PPP3CA: variants seen among roughly 807,000 people sequenced by gnomAD.
The protein encoded by PPP3CA is CAM-PRP catalytic subunit.
A neutral mutation model predicts 66.5 loss-of-function variants in PPP3CA; 14 were observed. The observed-to-expected ratio is 0.21, with a 90% CI of 0.14 to 0.33. PPP3CA has a LOEUF of 0.33. Ranked by LOEUF, PPP3CA falls within the 10% of genes least tolerant of loss-of-function variation. The pLI is 1.00. For missense variants in PPP3CA, 317 were observed against 639.5 expected (o/e 0.50, Z 5.44); for synonymous variants, 232 against 226.2 (o/e 1.03, Z -0.23).
At chr4:101,251,677 T>A (rs755347084) in intron 1 of PPP3CA, among the ~76,000 whole-genome samples, 1 of 152,116 alleles carries the variant, frequency 6.6e-6, no homozygotes, top group Non-Finnish European at 1.5e-5. Context: ...ACTAAAGGTG[T>A]ATACTAACCA....
At chr4:101,151,048 A>T (rs1723120250) in intron 2 of PPP3CA, among the ~76,000 whole-genome samples, 1 of 152,254 alleles carries the variant, frequency 6.6e-6, no homozygotes, top group Admixed American at 6.5e-5. Flanking sequence ...TAAGTTCATA[A>T]GAAGACTTTA....
At chr4:101,333,703 A>C (rs1729526587) in intron 1 of PPP3CA, among the ~76,000 whole-genome samples, 1 of 152,174 alleles carries the variant, frequency 6.6e-6, no homozygotes, top group South Asian at 2.1e-4. Flanking sequence ...AATAAGCTCA[A>C]AGTCATAACA....
At chr4:101,058,803 C>T (rs1344430315) in intron 10 of PPP3CA, among the ~76,000 whole-genome samples, 1 of 152,002 alleles carries the variant, frequency 6.6e-6, no homozygotes, top group African/African-American at 2.4e-5. Flanking sequence ...ATAACATGTA[C>T]CAGTGAAATG....
At chr4:101,303,339 T>C (rs527842777) in intron 1 of PPP3CA, among the ~76,000 whole-genome samples, 2 of 152,300 alleles carry the variant, frequency 1.3e-5, no homozygotes, top group South Asian at 2.1e-4. Flanking sequence ...TAGGGAAATA[T>C]CCTTATTTTT....
At chr4:101,255,694 T>G (rs1726818883) in intron 1 of PPP3CA, among the ~76,000 whole-genome samples, 2 of 151,942 alleles carry the variant, frequency 1.3e-5, no homozygotes, top group South Asian at 4.1e-4. Flanking sequence ...AAAGTGAAAT[T>G]TTAAAAAATT....
intron 2 of PPP3CA, among the ~76,000 whole-genome samples, chr4:101,146,911 A>C (rs544966878): frequency 6.6e-6 from 1 of 152,118 alleles, no homozygotes; most frequent in Non-Finnish European, 1.5e-5. Flanking sequence ...ATTTCCTTTG[A>C]GCATCATGTC....
At chr4:101,197,595 T>C (rs1016694610) in intron 1 of PPP3CA, among the ~76,000 whole-genome samples, 1 of 152,206 alleles carries the variant, frequency 6.6e-6, no homozygotes, top group Non-Finnish European at 1.5e-5. Flanking sequence ...TATCTGAGGA[T>C]TGTTATACTA....
intron 2 of PPP3CA, among the ~76,000 whole-genome samples, chr4:101,144,684 C>T (rs1398051984): frequency 6.6e-6 from 1 of 152,138 alleles, no homozygotes; most frequent in Non-Finnish European, 1.5e-5. Context: ...TTTATTAACC[C>T]TGTGACTCTA....
intron 1 of PPP3CA, among the ~76,000 whole-genome samples, chr4:101,218,486 T>G (rs1284478286): frequency 1.3e-5 from 2 of 152,056 alleles, no homozygotes; most frequent in East Asian, 3.9e-4. Context: ...TTTTTCCCTT[T>G]GCTTAATTTT....
At chr4:101,057,949 C>G (rs1728297582) in intron 10 of PPP3CA, among the ~76,000 whole-genome samples, 1 of 152,050 alleles carries the variant, frequency 6.6e-6, no homozygotes, top group African/African-American at 2.4e-5. Flanking sequence ...TCTTCCTCCT[C>G]CTCTCATATG....
At chr4:101,203,945 G>A (rs1021445436) in intron 1 of PPP3CA, among the ~76,000 whole-genome samples, 2 of 151,948 alleles carry the variant, frequency 1.3e-5, no homozygotes, top group African/African-American at 4.8e-5. Flanking sequence ...TTATTGATAA[G>A]TTTAAATAAA....
rs1427394223 is a variant in PPP3CA at position 101,080,601 on chromosome 4, T to A, written c.886A>T (p.Thr296Ser). ...GTAATTAGAGAAGGGAAGCCTGTTG[T>A]TTGGCTTTTCCTGTACATGCGGTAC... ...AGYRMYRKSQ[T>S]TGFPSLITIF... The change falls in exon 8 of 14, where the codon ACA becomes TCA. Residue 296 changes from threonine (T) to serine (S), a missense_variant. By Grantham distance (58) the Thr-to-Ser change is moderately conservative (BLOSUM62 1). This residue lies in a region of PPP3CA where 201 missense variants were observed against 501.4 expected (regional missense o/e 0.40). Coordinates refer to ENST00000394854, the MANE Select transcript of PPP3CA (RefSeq NM_000944.5). The A allele has an allele frequency of 2.6e-5, 40 of 1,531,018 alleles. No individual in the cohort carries two copies. The highest frequency in any genetic ancestry group is 3.5e-5 in the Non-Finnish European group (40 of 1,127,054). The allele number at this position is 1,531,018 out of a possible 1,614,324, so 94.8% of individuals were successfully genotyped here.
intron 2 of PPP3CA, among the ~76,000 whole-genome samples, chr4:101,129,269 C>G (rs1400395665): frequency 2.0e-5 from 3 of 152,146 alleles, no homozygotes; most frequent in African/African-American, 7.2e-5. Flanking sequence ...AGATAAAACT[C>G]CCATCTCCCT....
At chr4:101,205,561 G>A (rs957924566) in intron 1 of PPP3CA, among the ~76,000 whole-genome samples, 2 of 139,782 alleles carry the variant, frequency 1.4e-5, no homozygotes, top group African/African-American at 6.2e-5. Flanking sequence ...AAACTGGTAA[G>A]TTGATAGGAA....
intron 8 of PPP3CA, among the ~76,000 whole-genome samples, chr4:101,079,059 G>A (rs1470120504): frequency 6.6e-6 from 1 of 152,168 alleles, no homozygotes; most frequent in African/African-American, 2.4e-5. Flanking sequence ...GTAAAAGACC[G>A]TATGGCAACA....
chr4:101,128,689 T>C (rs1205693671), intron 2 of PPP3CA, among the ~76,000 whole-genome samples: 1 of 151,940 alleles, frequency 6.6e-6, no homozygotes, highest in East Asian at 1.9e-4. Context: ...TGAGGAACTG[T>C]GCTGTGAGGG....
intron 2 of PPP3CA, among the ~76,000 whole-genome samples, chr4:101,124,810 A>G (rs918105943): frequency 1.3e-5 from 2 of 151,664 alleles, no homozygotes; most frequent in African/African-American, 2.4e-5. Context: ...AGAAAACTGT[A>G]TTGGTGTTGA....
intron 2 of PPP3CA, among the ~76,000 whole-genome samples, chr4:101,178,793 T>C (rs1724144486): frequency 6.6e-6 from 1 of 152,130 alleles, no homozygotes; most frequent in African/African-American, 2.4e-5. Context: ...ACCCTCAAGT[T>C]GGTAAGTGTT....
chr4:101,310,395 A>T (rs891951428), intron 1 of PPP3CA, among the ~76,000 whole-genome samples: 2 of 152,122 alleles, frequency 1.3e-5, no homozygotes, highest in African/African-American at 4.8e-5. Flanking sequence ...AAATTATATA[A>T]ACTACATTTT....
Sources: allele counts gnomAD v4.1 joint callset (sites outside exome capture counted in the v4.1 genomes callset), GRCh38; gene constraint gnomAD v4.1.1; regional missense constraint gnomAD v4.1.1; transcripts MANE v1.5; gene names NCBI Gene and HGNC (gene_info 2026-07-23, HGNC 2026-07-21).